Variants in CLIP1 observed in about 807,000 individuals in gnomAD.
The protein encoded by CLIP1 is CAP-Gly domain containing linker protein 1.
Under a neutral mutation model 161.6 loss-of-function variants are expected in CLIP1, and 66 were observed. That is an observed-to-expected ratio of 0.41 (90% CI 0.33 to 0.50). The LOEUF (loss-of-function observed/expected upper bound fraction) is 0.50, where lower values mean the gene tolerates loss of function less well. CLIP1 is among the 20% of genes least tolerant of loss of function. CLIP1 has a pLI of 0.27. For synonymous variants in CLIP1, 598 were observed against 626.2 expected, an observed-to-expected ratio of 0.96 and a Z score of 0.67; for missense variants, 1,376 against 1,702.0, an observed-to-expected ratio of 0.81 and a Z score of 3.37.
At position 122,351,158 on chromosome 12, in the gene CLIP1, AT is replaced by A; in HGVS notation, c.1369-16del. ...TGGCTCTTTTGCTATCAGTAAAAAA[AT>A]AAAAAAAATTAAACAACAACAAAAA... is the stretch of plus-strand genomic sequence containing the variant. On this transcript the variant is annotated splice_polypyrimidine_tract_variant and intron_variant, in intron 8 of 25. Coordinates refer to ENST00000620786, the MANE Select transcript of CLIP1 (RefSeq NM_001247997.2). 2 of 1,456,764 alleles carry A rather than the reference AT, an allele frequency of 1.4e-6. No individual in the cohort carries two copies. The highest frequency in any genetic ancestry group is 2.7e-5 in the South Asian group (2 of 73,566). 90.2% of individuals were successfully genotyped at this position (1,456,764 alleles called of 1,614,324 possible).
In CLIP1 at chr12:122,380,489, T is replaced by G. The variant is rs1188289897; in HGVS notation, c.-37A>C. ...GTCAGAGCTGTTTCTCCTTTGCCTGTTGCCACTATCTTTCCCCAACCATTG... is the reference window on the plus strand; with the variant it reads ...GTCAGAGCTGTTTCTCCTTTGCCTGGTGCCACTATCTTTCCCCAACCATTG... On this transcript the variant is annotated 5_prime_UTR_variant, in exon 2 of 26. Coordinates refer to ENST00000620786, the MANE Select transcript of CLIP1 (RefSeq NM_001247997.2). 7.3e-7 allele frequency: 1 copy of G among 1,363,136 alleles called. No homozygotes were observed. The highest frequency in any genetic ancestry group is 1.0e-6 in the Non-Finnish European group (1 of 957,728). 84.4% of individuals were successfully genotyped at this position (1,363,136 alleles called of 1,614,324 possible). A position where few individuals can be genotyped will look rare whatever the true frequency, so the allele number is the denominator to read the frequency against.
chr12:122,362,556 G>A (rs1428068338), intron 4 of CLIP1, among the ~76,000 whole-genome samples: 6 of 137,044 alleles, frequency 4.4e-5, no homozygotes, highest in Non-Finnish European at 7.6e-5. Context: ...CAGGAGAATC[G>A]CTTGAACCTG....
chr12:122,397,057 G>A (rs1385439513), intron 1 of CLIP1, among the ~76,000 whole-genome samples: 1 of 148,914 alleles, frequency 6.7e-6, no homozygotes, highest in African/African-American at 2.5e-5. Context: ...GGGATTACAG[G>A]CGTAAGCCAC....
Position 122,335,298 on chromosome 12 carries a change from T to A in CLIP1, c.2569-593A>T, listed in dbSNP as rs973935289. Among the ~76,000 whole-genome samples the A allele has an allele frequency of 2.0e-5, 3 of 152,232 alleles. No individual in the cohort carries two copies. In the South Asian group the frequency reaches 6.2e-4, roughly 32 times the overall value. ...AAGAAGGTTGTTACATGAGTATTTCTAACTAGATAGGATTATGAAAAGATG... is the reference window on the plus strand; with the variant it reads ...AAGAAGGTTGTTACATGAGTATTTCAAACTAGATAGGATTATGAAAAGATG... On this transcript the variant is annotated intron_variant, in intron 12 of 25. Coordinates refer to ENST00000620786, the MANE Select transcript of CLIP1 (RefSeq NM_001247997.2).
At chr12:122,392,794 T>C (rs1360215237) in intron 1 of CLIP1, among the ~76,000 whole-genome samples, 1 of 152,160 alleles carries the variant, frequency 6.6e-6, no homozygotes, top group Non-Finnish European at 1.5e-5. Flanking sequence ...TTTTGGTTTT[T>C]TTTTGAGACA....
At chr12:122,331,615 T>C (rs1199179712) in intron 15 of CLIP1, among the ~76,000 whole-genome samples, 2 of 152,118 alleles carry the variant, frequency 1.3e-5, no homozygotes, top group Non-Finnish European at 2.9e-5. Context: ...GGAATAATGC[T>C]AAACTCACTT....
chr12:122,315,963 C>CT (rs1305207008), intron 19 of CLIP1, among the ~76,000 whole-genome samples: 3 of 151,410 alleles, frequency 2.0e-5, no homozygotes, highest in Admixed American at 1.3e-4. Context: ...AATTGAAATA[C>CT]TGAAAATGTA....
chr12:122,321,262 A>G (rs1951490812), intron 17 of CLIP1, among the ~76,000 whole-genome samples: 1 of 149,958 alleles, frequency 6.7e-6, no homozygotes, highest in African/African-American at 2.5e-5. Flanking sequence ...TTTTCCCTTG[A>G]GACAGAGTTT....
chr12:122,342,827 A>T (rs1178032682), intron 10 of CLIP1: 1 of 106,994 alleles, frequency 9.3e-6, no homozygotes, highest in Non-Finnish European at 2.0e-5. Flanking sequence ...CTCTGTCTCT[A>T]AAAAAAAAAA....
intron 20 of CLIP1, 35 bp downstream of exon 20, chr12:122,309,727 G>A (rs1483389726): frequency 6.2e-7 from 1 of 1,610,614 alleles, no homozygotes; most frequent in African/African-American, 1.3e-5. Flanking sequence ...CACCCAGCAT[G>A]GCACAGCTGG....
Position 122,402,986 on chromosome 12 carries a change from C to T in CLIP1, c.-107+19535G>A, listed in dbSNP as rs547973075. Among the ~76,000 whole-genome samples, 18 of 152,236 alleles carry T rather than the reference C, an allele frequency of 1.2e-4. No homozygotes were observed. The South Asian group carries it at 3.7e-3, about 32-fold the overall frequency. ...TACGTGATTATGTGGCTCGTGGCTA[C>T]TACATAGGACACCACCAGGCTAGAA... On this transcript the variant is annotated intron_variant, in intron 1 of 25. Transcript: ENST00000620786.
intron 2 of CLIP1, among the ~76,000 whole-genome samples, chr12:122,378,459 A>G (rs1428413281): frequency 6.6e-6 from 1 of 152,198 alleles, no homozygotes; most frequent in African/African-American, 2.4e-5. Context: ...CTTCACTACC[A>G]TCTTCAATGC....
intron 3 of CLIP1, among the ~76,000 whole-genome samples, chr12:122,367,718 A>G: frequency 6.6e-6 from 1 of 152,236 alleles, no homozygotes; most frequent in East Asian, 1.9e-4. Flanking sequence ...AACATTTTCA[A>G]TATTGAAACA....
At chr12:122,347,820 C>A (rs535724315) in intron 9 of CLIP1, among the ~76,000 whole-genome samples, 1 of 152,124 alleles carries the variant, frequency 6.6e-6, no homozygotes, top group East Asian at 1.9e-4. Context: ...AGTTAATATC[C>A]CTCCCTCTAA....
chr12:122,381,658 A>C (rs560463144), intron 1 of CLIP1, among the ~76,000 whole-genome samples: 3 of 152,296 alleles, frequency 2.0e-5, no homozygotes, highest in African/African-American at 7.2e-5. Context: ...CTGCGAGCAG[A>C]GCTTGGATGA....
chr12:122,339,404 C>T (rs1452080879), intron 11 of CLIP1, among the ~76,000 whole-genome samples: 1 of 152,092 alleles, frequency 6.6e-6, no homozygotes, highest in Non-Finnish European at 1.5e-5. Flanking sequence ...GTGGCACGAT[C>T]TCAGCTCACT....
intron 12 of CLIP1, among the ~76,000 whole-genome samples, chr12:122,335,338 G>A (rs1247528182): frequency 3.3e-5 from 5 of 152,040 alleles, no homozygotes; most frequent in South Asian, 2.1e-4. Flanking sequence ...AGGGGCCACA[G>A]TGCATCCAAG....
intron 1 of CLIP1, chr12:122,400,341 C>T (rs1487160856): frequency 2.8e-5 from 4 of 141,054 alleles, no homozygotes; most frequent in Non-Finnish European, 1.6e-5. Context: ...GAAAAGTAAC[C>T]AAAAAAAAAA....
At chr12:122,338,141 C>T (rs1952329789) in intron 11 of CLIP1, among the ~76,000 whole-genome samples, 1 of 150,880 alleles carries the variant, frequency 6.6e-6, no homozygotes, top group Non-Finnish European at 1.5e-5. Flanking sequence ...AGTTCAAGAC[C>T]AGCCCGGCCA....
Sources: gnomAD v4.1 joint callset for allele counts (sites outside exome capture counted in the v4.1 genomes callset) on GRCh38, gnomAD v4.1.1 for gene constraint, MANE v1.5 for transcripts, NCBI Gene and HGNC (gene_info 2026-07-23, HGNC 2026-07-21) for gene names.